Variants in SGMS1 observed in about 807,000 individuals in gnomAD.
SGMS1 encodes the protein sphingomyelin synthase 1.
Under a neutral mutation model 46.2 loss-of-function variants are expected in SGMS1, and 13 were observed. The ratio of observed to expected loss-of-function variants is 0.28; its 90% CI spans 0.18 to 0.45. The LOEUF is 0.45. Among genes scored for constraint, SGMS1 ranks in the 20% least tolerant of loss-of-function variants. The pLI is 1.00. For synonymous variants in SGMS1, 203 were observed against 187.8 expected (o/e 1.08, Z -0.66); for missense variants, 324 against 519.9 (o/e 0.62, Z 3.66).
chr10:50,308,835 T>C (rs1045394663), intron 9 of SGMS1, among the ~76,000 whole-genome samples: 1 of 152,198 alleles, frequency 6.6e-6, no homozygotes, highest in East Asian at 1.9e-4. Flanking sequence ...GGCTCTGCAG[T>C]GTTAGGCAAA....
chr10:50,499,326 C>T (rs907205574), intron 3 of SGMS1, among the ~76,000 whole-genome samples: 2 of 152,080 alleles, frequency 1.3e-5, no homozygotes, highest in African/African-American at 4.8e-5. Context: ...AATTCACTTA[C>T]GAAATTGTAC....
chr10:50,512,176 C>T (rs1300813361), intron 3 of SGMS1, among the ~76,000 whole-genome samples: 1 of 152,046 alleles, frequency 6.6e-6, no homozygotes, highest in African/African-American at 2.4e-5. Flanking sequence ...CTGAATATGG[C>T]AACAGGGTAC....
chr10:50,311,004 T>C (rs1284613166), intron 9 of SGMS1, among the ~76,000 whole-genome samples: 1 of 152,246 alleles, frequency 6.6e-6, no homozygotes, highest in Non-Finnish European at 1.5e-5. Flanking sequence ...TAACACACCC[T>C]GCAGGCTGTG....
At chr10:50,333,795 C>A (rs118107112) in intron 7 of SGMS1, among the ~76,000 whole-genome samples, 2,081 of 152,298 alleles carry the variant, frequency 0.014, 20 homozygotes, top group East Asian at 0.047. Context: ...GTAGATGGCA[C>A]AGTTCATGAA....
intron 6 of SGMS1, among the ~76,000 whole-genome samples, chr10:50,407,029 T>C (rs1849025060): frequency 6.6e-6 from 1 of 152,194 alleles, no homozygotes; most frequent in Admixed American, 6.5e-5. Context: ...CTAATAAGTC[T>C]TAATATTAAA....
At chr10:50,472,339 C>T (rs1167831463) in intron 3 of SGMS1, among the ~76,000 whole-genome samples, 2 of 152,134 alleles carry the variant, frequency 1.3e-5, no homozygotes, top group Non-Finnish European at 2.9e-5. Flanking sequence ...ATCTCTCCAT[C>T]CCCTTCTCCC....
At chr10:50,332,611 C>CTTTTT (rs150975310) in intron 7 of SGMS1, among the ~76,000 whole-genome samples, 9 of 72,710 alleles carry the variant, frequency 1.2e-4, no homozygotes, top group African/African-American at 2.3e-4. Context: ...TTTTTTAAGT[C>CTTTTT]TTTTTTTTTT....
At chr10:50,446,344 G>C (rs545017986) in intron 5 of SGMS1, among the ~76,000 whole-genome samples, 1 of 152,058 alleles carries the variant, frequency 6.6e-6, no homozygotes, top group Non-Finnish European at 1.5e-5. Context: ...GTCTCCCCCA[G>C]ACACCCAGCT....
At chr10:50,316,730 C>T (rs1028187795) in intron 8 of SGMS1, among the ~76,000 whole-genome samples, 2 of 152,168 alleles carry the variant, frequency 1.3e-5, no homozygotes, top group African/African-American at 4.8e-5. Flanking sequence ...TTAAAACACT[C>T]AGACCAAAGA....
At chr10:50,356,318 C>A (rs1189815945) in intron 6 of SGMS1, among the ~76,000 whole-genome samples, 1 of 152,258 alleles carries the variant, frequency 6.6e-6, no homozygotes, top group East Asian at 1.9e-4. Flanking sequence ...GGATTAAGGG[C>A]GGTGCAAGAT....
intron 3 of SGMS1, among the ~76,000 whole-genome samples, chr10:50,510,023 T>A (rs1213489805): frequency 6.6e-6 from 1 of 152,186 alleles, no homozygotes; most frequent in Non-Finnish European, 1.5e-5. Context: ...ATTTCATTTA[T>A]CTCAAAAATT....
chr10:50,505,046 A>C (rs114462776), intron 3 of SGMS1, among the ~76,000 whole-genome samples: 5 of 152,092 alleles, frequency 3.3e-5, no homozygotes, highest in Non-Finnish European at 7.4e-5. Flanking sequence ...CCATCTCTAT[A>C]AAAAGAAAAA....
intron 1 of SGMS1, among the ~76,000 whole-genome samples, chr10:50,597,552 T>C (rs57025029): frequency 0.26 from 39,532 of 152,044 alleles, 6,260 homozygotes; most frequent in African/African-American, 0.44. Flanking sequence ...ATAATAGTCT[T>C]ACAAAGAAAA....
At chr10:50,310,874 G>T (rs1847242275) in intron 9 of SGMS1, among the ~76,000 whole-genome samples, 2 of 152,176 alleles carry the variant, frequency 1.3e-5, no homozygotes, top group South Asian at 2.1e-4. Flanking sequence ...GCCAAGTGCT[G>T]AAAAAATAGT....
intron 2 of SGMS1, among the ~76,000 whole-genome samples, chr10:50,547,862 T>C (rs1433654913): frequency 6.6e-6 from 1 of 152,232 alleles, no homozygotes; most frequent in East Asian, 1.9e-4. Flanking sequence ...GTCAGTTTCA[T>C]TCCTGGGATG....
At chr10:50,369,594 G>A (rs1355816743) in intron 6 of SGMS1, among the ~76,000 whole-genome samples, 1 of 149,622 alleles carries the variant, frequency 6.7e-6, no homozygotes, top group African/African-American at 2.4e-5. Flanking sequence ...AAATGTGGAG[G>A]AAAAAAGTTC....
intron 6 of SGMS1, among the ~76,000 whole-genome samples, chr10:50,360,352 T>C (rs972882373): frequency 7.2e-5 from 11 of 152,218 alleles, no homozygotes; most frequent in African/African-American, 2.4e-4. Flanking sequence ...TTCTATTATC[T>C]AGATTTCCTT....
chr10:50,507,947 T>G (rs756921993), intron 3 of SGMS1, among the ~76,000 whole-genome samples: 6 of 152,132 alleles, frequency 3.9e-5, no homozygotes, highest in Non-Finnish European at 8.8e-5. Flanking sequence ...AAGCCTCAGC[T>G]TAGTTGGAGA....
chr10:50,372,695 A>AAAAAAACAAAAAAC (rs56853284), intron 6 of SGMS1, among the ~76,000 whole-genome samples: 53,232 of 150,716 alleles, frequency 0.35, 9,536 homozygotes, highest in Admixed American at 0.41. Context: ...TCTGTCTCAA[A>AAAAAAACAAAAAAC]AAAAAACAAA....
Sources: allele counts gnomAD v4.1 joint callset (sites outside exome capture counted in the v4.1 genomes callset), GRCh38; gene constraint gnomAD v4.1.1; transcripts MANE v1.5; gene names NCBI Gene and HGNC (gene_info 2026-07-23, HGNC 2026-07-21).